DNAAF8: variants seen among roughly 807,000 people sequenced by gnomAD.
DNAAF8 encodes dynein axonemal assembly factor 8, also known as dynein axonemal-associated protein 1.
A neutral mutation model predicts 54.6 loss-of-function variants in DNAAF8; 61 were observed. The ratio of observed to expected loss-of-function variants is 1.12; its 90% CI spans 0.91 to 1.38. The LOEUF is 1.38. Ranked by LOEUF, DNAAF8 falls within the 40% of genes most tolerant of loss-of-function variation. DNAAF8 has a pLI of 0.00. For missense variants in DNAAF8, 837 were observed against 665.0 expected, an observed-to-expected ratio of 1.26 and a Z score of -2.85; for synonymous variants, 320 against 270.1, an observed-to-expected ratio of 1.18 and a Z score of -1.81.
chr16:4,746,834 G>C, intron 7 of DNAAF8, 93 bp from the exon 8 acceptor site: 3 of 1,219,450 alleles, frequency 2.5e-6, no homozygotes, highest in South Asian at 3.2e-5. Flanking sequence ...CTTGCATTGG[G>C]TCACCAGCAA....
intron 5 of DNAAF8, among the ~76,000 whole-genome samples, chr16:4,744,164 C>T (rs1246461096): frequency 1.3e-5 from 2 of 152,120 alleles, no homozygotes; most frequent in African/African-American, 4.8e-5. Flanking sequence ...AACTCCTGAC[C>T]TCAGGATCCG....
Position 4,747,438 on chromosome 16 carries a change from G to A in DNAAF8, c.1376G>A (p.Gly459Asp). 4 of 1,613,126 alleles carry A rather than the reference G, an allele frequency of 2.5e-6. No individual in the cohort carries two copies. Among genetic ancestry groups the A allele is most frequent in the Non-Finnish European group, 3.4e-6 (4 of 1,179,950 alleles). ...PELPASKGPAGGRAQAPEDTA... is the reference protein window; with the variant it reads ...PELPASKGPADGRAQAPEDTA... ...CTGCCTGCCAGCAAGGGGCCCGCGG[G>A]TGGGAGGGCTCAGGCCCCTGAAGAC... Residue 459 changes from glycine (G) to aspartate (D), a missense_variant, in exon 9 of 10, where the codon GGT (glycine) becomes GAT (aspartate). By Grantham distance (94) the Gly-to-Asp change is moderately conservative. Coordinates refer to ENST00000299320, the MANE Select transcript of DNAAF8 (RefSeq NM_139170.3).
intron 1 of DNAAF8, among the ~76,000 whole-genome samples, chr16:4,735,861 TGGGA>T (rs984413691): frequency 6.6e-6 from 1 of 152,032 alleles, no homozygotes; most frequent in African/African-American, 2.4e-5. Flanking sequence ...GAGGCTGAGG[TGGGA>T]GGATCACTTG....
intron 8 of DNAAF8, 74 bp from the exon 9 acceptor site, chr16:4,747,268 CT>C: frequency 6.8e-7 from 1 of 1,479,386 alleles, no homozygotes; most frequent in Middle Eastern, 1.9e-4. Flanking sequence ...ATCTGCTTTT[CT>C]CCTGTTTCAG....
chr16:4,745,142 A>T, intron 6 of DNAAF8, 131 bp downstream of exon 6: 1 of 1,212,444 alleles, frequency 8.2e-7, no homozygotes, highest in Non-Finnish European at 1.1e-6. Flanking sequence ...GCATCTGATC[A>T]GGCAGTCGCT....
At chr16:4,741,880 C>T (rs2081964798) in intron 4 of DNAAF8, among the ~76,000 whole-genome samples, 1 of 152,152 alleles carries the variant, frequency 6.6e-6, no homozygotes. Context: ...GTTATCTTGT[C>T]TACTGGACAG....
intron 3 of DNAAF8, among the ~76,000 whole-genome samples, chr16:4,738,578 C>T (rs1459225726): frequency 2.0e-5 from 3 of 152,206 alleles, no homozygotes; most frequent in Non-Finnish European, 4.4e-5. Flanking sequence ...CCAGCCTGGG[C>T]AATACAGCAA....
At position 4,740,659 on chromosome 16, in the gene DNAAF8, G is replaced by T. The variant is rs150544160; in HGVS notation, c.783G>T (p.Gln261His). ...PPEGPPVLSL[Q>H]QLEAWDLDDI... ...AGGGACCACCAGTGCTCTCGCTCCAGGTAGGCGCCTCCCCGTGCCTGGCTG... is the reference window on the plus strand; with the variant it reads ...AGGGACCACCAGTGCTCTCGCTCCATGTAGGCGCCTCCCCGTGCCTGGCTG... Residue 261 changes from glutamine to histidine, a missense_variant and splice_region_variant, in exon 4 of 10, where the codon CAG becomes CAT. Coordinates refer to ENST00000299320, the MANE Select transcript of DNAAF8 (RefSeq NM_139170.3). 6.3e-7 allele frequency: 1 copy of T among 1,586,592 alleles called. No individual in the cohort carries two copies.
At chr16:4,739,150 C>A (rs1165172888) in intron 3 of DNAAF8, among the ~76,000 whole-genome samples, 1 of 151,952 alleles carries the variant, frequency 6.6e-6, no homozygotes, top group Non-Finnish European at 1.5e-5. Flanking sequence ...GAGAGATCCC[C>A]AGGGCAGCTA....
intron 6 of DNAAF8, 115 bp from the exon 7 acceptor site, chr16:4,746,260 G>A: frequency 6.2e-6 from 7 of 1,132,734 alleles, no homozygotes; most frequent in Non-Finnish European, 8.8e-6. Context: ...CCCGTCTGTA[G>A]AGAGTGGGCA....
chr16:4,736,029 CT>C (rs139390460), intron 1 of DNAAF8, among the ~76,000 whole-genome samples: 6,676 of 152,088 alleles, frequency 0.044, 463 homozygotes, highest in African/African-American at 0.15. Flanking sequence ...GAAATTCCCC[CT>C]GATTCAGAGT....
At chr16:4,745,676 C>T (rs187697793) in intron 6 of DNAAF8, among the ~76,000 whole-genome samples, 27 of 152,298 alleles carry the variant, frequency 1.8e-4, no homozygotes, top group Non-Finnish European at 2.4e-4. Flanking sequence ...CCTGGCTGGG[C>T]GCGGTGGCTC....
chr16:4,746,318 A>G (rs745981211), intron 6 of DNAAF8, 57 bp from the exon 7 acceptor site: 36 of 1,538,442 alleles, frequency 2.3e-5, no homozygotes, highest in Non-Finnish European at 3.2e-5. Context: ...AACCCAGCGC[A>G]GGTCACAGAG....
At chr16:4,745,137 T>C in intron 6 of DNAAF8, 126 bp downstream of exon 6, 2 of 1,264,634 alleles carry the variant, frequency 1.6e-6, no homozygotes, top group Non-Finnish European at 2.2e-6. Context: ...CTCAAGCATC[T>C]GATCAGGCAG....
chr16:4,742,571 AAT>A (rs1462519861), intron 4 of DNAAF8, among the ~76,000 whole-genome samples: 5 of 151,344 alleles, frequency 3.3e-5, no homozygotes, highest in Non-Finnish European at 4.4e-5. Flanking sequence ...AAAAAAAAAA[AAT>A]GAAGGGTGTG....
At chr16:4,738,884 TA>T (rs908397591) in intron 3 of DNAAF8, among the ~76,000 whole-genome samples, 10 of 147,640 alleles carry the variant, frequency 6.8e-5, no homozygotes, top group Admixed American at 2.7e-4. Flanking sequence ...AGACTCCATC[TA>T]AAAAAAAAAT....
In DNAAF8 at chr16:4,748,835, G is replaced by C. The variant is rs2082050868; in HGVS notation, c.*120G>C. ...AGTAGGGCGCCGGGCCTTTGGGACA[G>C]TGTCCCAGCTTCCCCTGGGGTTCAC... is the stretch of plus-strand genomic sequence containing the variant. On this transcript the variant is annotated 3_prime_UTR_variant, in exon 10 of 10. Coordinates refer to ENST00000299320, the MANE Select transcript of DNAAF8 (RefSeq NM_139170.3). 6.6e-6 allele frequency: 1 copy of C among 152,366 alleles called. No homozygotes were observed. Among genetic ancestry groups the C allele is most frequent in the African/African-American group, 2.4e-5 (1 of 41,470 alleles). 9.4% of individuals were successfully genotyped at this position (152,366 alleles called of 1,614,324 possible).
At chr16:4,746,231 A>G in intron 6 of DNAAF8, 144 bp from the exon 7 acceptor site, 1 of 884,488 alleles carries the variant, frequency 1.1e-6, no homozygotes, top group South Asian at 1.7e-5. Flanking sequence ...AGAGTAAAAG[A>G]GCAAATGTGT....
In DNAAF8 at chr16:4,740,585, G is replaced by A. The variant is rs774575818; in HGVS notation, c.709G>A (p.Ala237Thr). Residue 237 changes from alanine (A) to threonine (T), a missense_variant, in exon 4 of 10, where the codon GCT becomes ACT. By Grantham distance (58) the Ala-to-Thr change is moderately conservative. Transcript: ENST00000299320. Reference protein sequence around the residue: ...KGGVKEAPCHAAESAPRSKMP... With the variant: ...KGGVKEAPCHTAESAPRSKMP... ...TGGGGTGAAGGAGGCGCCCTGCCAC[G>A]CTGCGGAGTCAGCTCCCAGATCCAA... 3.8e-5 allele frequency: 62 copies of A among 1,613,296 alleles called. No homozygotes were observed. The highest frequency in any genetic ancestry group is 4.7e-5 in the Non-Finnish European group (56 of 1,179,992).
Sources: allele counts gnomAD v4.1 joint callset (sites outside exome capture counted in the v4.1 genomes callset), GRCh38; gene constraint gnomAD v4.1.1; transcripts MANE v1.5; gene names NCBI Gene and HGNC (gene_info 2026-07-23, HGNC 2026-07-21).